Variants in MS4A12 observed in about 807,000 individuals in gnomAD.
MS4A12 encodes the protein membrane spanning 4-domains A12, also known as membrane-spanning 4-domains subfamily A member 12.
MS4A12 carries 28 observed loss-of-function variants against 23.7 expected under a neutral mutation model. The ratio of observed to expected loss-of-function variants is 1.18; its 90% CI spans 0.88 to 1.62. The LOEUF is 1.62. Ranked by LOEUF, MS4A12 falls within the 40% of genes most tolerant of loss-of-function variation. The pLI, the probability that MS4A12 is intolerant of heterozygous loss-of-function variation, is 0.00. For synonymous variants in MS4A12, 108 were observed against 110.1 expected (o/e 0.98, Z 0.12); for missense variants, 342 against 327.0 (o/e 1.05, Z -0.35).
At chr11:60,501,903 G>T in intron 3 of MS4A12, 80 bp from the exon 4 acceptor site, 1 of 1,328,774 alleles carries the variant, frequency 7.5e-7, no homozygotes, top group South Asian at 1.3e-5. Context: ...AACATAAATA[G>T]ACCAACCTTT....
chr11:60,493,146 C>G (rs2086461807), intron 1 of MS4A12: 1 of 152,252 alleles, frequency 6.6e-6, no homozygotes, highest in South Asian at 2.1e-4. Flanking sequence ...GAGGCCGAGG[C>G]AGGAGAATCA....
At position 60,497,182 on chromosome 11, in the gene MS4A12, T is replaced by A. The variant is rs1590859457; in HGVS notation, c.-6-131T>A. The stretch of plus-strand genomic sequence containing the variant: ...TTATGAGAATCATGTTTCTATCAGT[T>A]GTTATGGCCCATTATCTGCTCACTT... On this transcript the variant is annotated intron_variant, in intron 1 of 6. Coordinates refer to ENST00000016913, the MANE Select transcript of MS4A12 (RefSeq NM_017716.3). 44 of 1,070,020 alleles carry A rather than the reference T, an allele frequency of 4.1e-5. No homozygotes were observed. In the South Asian group the frequency reaches 7.1e-4, roughly 17 times the overall value. The allele number at this position is 1,070,020 out of a possible 1,614,324, so 66.3% of individuals were successfully genotyped here. A position where few individuals can be genotyped will look rare whatever the true frequency, so the allele number is the denominator to read the frequency against.
At chr11:60,499,218 C>T (rs778199074) in intron 2 of MS4A12, among the ~76,000 whole-genome samples, 2 of 152,252 alleles carry the variant, frequency 1.3e-5, no homozygotes, top group Non-Finnish European at 1.5e-5. Context: ...GGACTTGGCA[C>T]ACCTGTACCA....
At chr11:60,499,173 T>C (rs2086511916) in intron 2 of MS4A12, among the ~76,000 whole-genome samples, 1 of 152,216 alleles carries the variant, frequency 6.6e-6, no homozygotes, top group Non-Finnish European at 1.5e-5. Flanking sequence ...CAGCAGGCCC[T>C]GGGCATCATG....
At chr11:60,498,865 A>T (rs1590860444) in intron 2 of MS4A12, among the ~76,000 whole-genome samples, 3 of 152,162 alleles carry the variant, frequency 2.0e-5, no homozygotes, top group Admixed American at 2.0e-4. Context: ...TCTTTAGATG[A>T]AAATGTCTTT....
intron 5 of MS4A12, among the ~76,000 whole-genome samples, chr11:60,504,067 G>A (rs1459250013): frequency 6.6e-6 from 1 of 152,122 alleles, no homozygotes; most frequent in Non-Finnish European, 1.5e-5. Flanking sequence ...AATGGGGAAG[G>A]GTTTGGATAG....
rs368606447 is a variant in MS4A12, at chr11:60,502,070, C to T, written c.471+31C>T. The T allele has an allele frequency of 5.1e-6, 8 of 1,574,654 alleles. No individual in the cohort carries two copies. In the African/African-American group the frequency reaches 9.5e-5, roughly 19 times the overall value. ...TTAGACTGTCTCTACTTTTTGAACC[C>T]CTTTAAAGATTAGCTTAACATATTG... On this transcript the variant is annotated intron_variant, in intron 4 of 6. Transcript: ENST00000016913.
In MS4A12 at chr11:60,494,520, T is replaced by G. The variant is rs573124813; in HGVS notation, c.-7+1692T>G. Among the ~76,000 whole-genome samples the G allele has an allele frequency of 5.3e-5, 8 of 152,362 alleles. No homozygotes were observed. In the South Asian group the frequency reaches 1.7e-3, roughly 32 times the overall value. On this transcript the variant is annotated intron_variant, in intron 1 of 6. Coordinates refer to ENST00000016913, the MANE Select transcript of MS4A12 (RefSeq NM_017716.3). ...ACTCTGAGTACCCATCTCCTATTTC[T>G]TTGCTCTTGAAATTGACCCTGTTCA...
chr11:60,500,241 AAAAAAAAACC>A (rs1170397899), intron 2 of MS4A12, among the ~76,000 whole-genome samples: 87 of 144,076 alleles, frequency 6.0e-4, no homozygotes, highest in Middle Eastern at 3.5e-3. Context: ...ACTCTGTCTC[AAAAAAAAACC>A]AAAAAAAAAC....
chr11:60,506,822 A>G lies in MS4A12; in HGVS notation c.683A>G (p.Asn228Ser). 6.2e-7 allele frequency: 1 copy of G among 1,613,466 alleles called. No homozygotes were observed. Among genetic ancestry groups the G allele is most frequent in the Non-Finnish European group, 8.5e-7 (1 of 1,179,352 alleles). Reference sequence around the variant, plus strand: ...ACAGCCCATTTTGCCAACCAAGCAAACACCACAACCAATATGGTGAGTTGG... The same window carrying G: ...ACAGCCCATTTTGCCAACCAAGCAAGCACCACAACCAATATGGTGAGTTGG... ...CATAHFANQA[N>S]TTTNMSVLVI... The change falls in exon 6 of 7, where the codon AAC (asparagine) becomes AGC (serine). Residue 228 changes from asparagine to serine, a missense_variant. Transcript: ENST00000016913.
chr11:60,502,343 G>T (rs1351679742), intron 4 of MS4A12, among the ~76,000 whole-genome samples: 1 of 152,126 alleles, frequency 6.6e-6, no homozygotes, highest in Non-Finnish European at 1.5e-5. Context: ...CTCTATTATG[G>T]GAAGTCCAAA....
rs1030968222 is a variant in MS4A12 at position 60,497,216 on chromosome 11, C to T, written c.-6-97C>T. 5.2e-6 allele frequency: 7 copies of T among 1,358,594 alleles called. No individual in the cohort carries two copies. The East Asian group carries it at 6.9e-5, about 13-fold the overall frequency. 84.2% of individuals were successfully genotyped at this position (1,358,594 alleles called of 1,614,324 possible). ...CCATTATCTGCTCACTTGTTCTCTC[C>T]ATTTGCATAGATAATTGACATTTGA... is the stretch of plus-strand genomic sequence containing the variant. On this transcript the variant is annotated intron_variant, in intron 1 of 6. Transcript: ENST00000016913.
intron 2 of MS4A12, among the ~76,000 whole-genome samples, 165 bp from the exon 3 acceptor site, chr11:60,500,880 A>C (rs936003658): frequency 6.6e-6 from 1 of 152,230 alleles, no homozygotes; most frequent in Admixed American, 6.5e-5. Flanking sequence ...ATTCTAGTAT[A>C]TGTCAGAATC....
intron 5 of MS4A12, among the ~76,000 whole-genome samples, chr11:60,506,443 G>C (rs1385014940): frequency 1.3e-5 from 2 of 151,796 alleles, no homozygotes; most frequent in Non-Finnish European, 2.9e-5. Flanking sequence ...AGTAACATTT[G>C]TATTAAAAAA....
chr11:60,506,683 G>A (rs371419085), intron 5 of MS4A12, 45 bp from the exon 6 acceptor site: 2 of 1,512,014 alleles, frequency 1.3e-6, no homozygotes, highest in African/African-American at 1.4e-5. Context: ...CCCACGTGAG[G>A]CCCTCCTGAT....
chr11:60,504,939 T>A (rs1565205651), intron 5 of MS4A12, among the ~76,000 whole-genome samples: 1 of 152,186 alleles, frequency 6.6e-6, no homozygotes, highest in Non-Finnish European at 1.5e-5. Context: ...TCCACCAAGC[T>A]CTGAGACAAT....
rs187185421 is a variant in MS4A12 at position 60,501,674 on chromosome 11, C to T, written c.415-309C>T. Among the ~76,000 whole-genome samples, 958 of 152,118 alleles carry T rather than the reference C, an allele frequency of 6.3e-3. 8 individuals are homozygous for T. Among genetic ancestry groups the T allele is most frequent in the Non-Finnish European group, 0.011 (774 of 68,006 alleles). On this transcript the variant is annotated intron_variant, in intron 3 of 6. Transcript: ENST00000016913. Reference sequence around the variant, plus strand: ...GGCCAGCCTGGGCAATATAGTGAGACTCAATCTCTAAAAAAATTTTTTAAT... The same window carrying T: ...GGCCAGCCTGGGCAATATAGTGAGATTCAATCTCTAAAAAAATTTTTTAAT...
At chr11:60,496,851 T>C (rs55688713) in intron 1 of MS4A12, among the ~76,000 whole-genome samples, 11,101 of 152,290 alleles carry the variant, frequency 0.073, 438 homozygotes, top group South Asian at 0.17. Context: ...CCTTGGTTCA[T>C]GGACGCCTTC....
chr11:60,507,173 C>A lies in MS4A12; in HGVS notation c.*49C>A, dbSNP rs747462337. 3.1e-5 allele frequency: 43 copies of A among 1,391,886 alleles called. No individual in the cohort carries two copies. The highest frequency in any genetic ancestry group is 4.3e-5 in the African/African-American group (3 of 69,558). The allele number at this position is 1,391,886 out of a possible 1,614,324, so 86.2% of individuals were successfully genotyped here. A position where few individuals can be genotyped will look rare whatever the true frequency, so the allele number is the denominator to read the frequency against. On this transcript the variant is annotated 3_prime_UTR_variant, in exon 7 of 7. Transcript: ENST00000016913. ...TAATCTCATGGAGAAAAACTACTTGCAAAAACTTCTTAAGAAGATGTCTTT... is the reference window on the plus strand; with the variant it reads ...TAATCTCATGGAGAAAAACTACTTGAAAAAACTTCTTAAGAAGATGTCTTT...
Sources: allele counts gnomAD v4.1 joint callset (sites outside exome capture counted in the v4.1 genomes callset), GRCh38; gene constraint gnomAD v4.1.1; transcripts MANE v1.5; gene names NCBI Gene and HGNC (gene_info 2026-07-23, HGNC 2026-07-21).